The following TECR variants were observed in gnomAD, a reference collection of about 807,000 sequenced individuals.
The protein encoded by TECR is very-long-chain enoyl-CoA reductase.
In TECR, 19 loss-of-function variants were observed where a neutral mutation model predicts 50.6. The ratio of observed to expected loss-of-function variants is 0.38; its 90% CI spans 0.26 to 0.55. The LOEUF (loss-of-function observed/expected upper bound fraction) is 0.55, where lower values mean the gene tolerates loss of function less well. TECR is among the 20% of genes least tolerant of loss of function. The probability of loss-of-function intolerance (pLI) is 0.79; values close to 1 mark genes in which losing one functional copy is unlikely to be tolerated. For synonymous variants in TECR, 168 were observed against 163.5 expected (o/e 1.03, Z -0.21); for missense variants, 313 against 408.3 (o/e 0.77, Z 2.01).
rs1303942204 is a variant in TECR, at chr19:14,529,609, G to C, written c.-88G>C. On this transcript the variant is annotated 5_prime_UTR_variant, in exon 1 of 13. Coordinates refer to ENST00000215567, the MANE Select transcript of TECR (RefSeq NM_138501.6). ...GCAGAGCCGCGTTTAGTCTATCGCTGCGGTTGCGAGCGCTGTAGGGAGCCT... is the reference window on the plus strand; with the variant it reads ...GCAGAGCCGCGTTTAGTCTATCGCTCCGGTTGCGAGCGCTGTAGGGAGCCT... 4 of 1,597,256 alleles carry C rather than the reference G, an allele frequency of 2.5e-6. No homozygotes were observed. In the East Asian group the frequency reaches 8.9e-5, roughly 36 times the overall value.
At chr19:14,557,140 T>A (rs541441161) in intron 1 of TECR, among the ~76,000 whole-genome samples, 44 of 150,604 alleles carry the variant, frequency 2.9e-4, no homozygotes, top group African/African-American at 1.0e-3. Context: ...TTTATTTATT[T>A]ATTTATTTAT....
At chr19:14,529,361 G>A (rs1419840278), upstream of TECR, 3 of 502,118 alleles carry the variant, frequency 6.0e-6, no homozygotes, top group Non-Finnish European at 1.1e-5. Context: ...GGACGCGCGG[G>A]GCAGAGACCT....
chr19:14,529,527 C>T (rs554883325), upstream of TECR: 2 of 868,638 alleles, frequency 2.3e-6, no homozygotes, highest in East Asian at 2.6e-5. Flanking sequence ...CGAACGTGGG[C>T]GCCTCGTGCC....
At chr19:14,539,140 ATTTTTTTTTT>A (rs57801378) in intron 1 of TECR, among the ~76,000 whole-genome samples, 132 of 92,548 alleles carry the variant, frequency 1.4e-3, no homozygotes, top group East Asian at 3.9e-3. Flanking sequence ...CGCCCGGCTA[ATTTTTTTTTT>A]TTTTTTTTTT....
intron 1 of TECR, among the ~76,000 whole-genome samples, chr19:14,543,388 A>AATGAATATATATATAT (rs2073168369): frequency 2.7e-5 from 1 of 37,688 alleles, no homozygotes; most frequent in Non-Finnish European, 5.0e-5. Context: ...TGTTTCAGAG[A>AATGAATATATATATAT]ATATATATAT....
At chr19:14,564,339 C>A (rs776958669) in intron 7 of TECR, 52 bp downstream of exon 7, 8 of 1,407,764 alleles carry the variant, frequency 5.7e-6, no homozygotes, top group Admixed American at 2.0e-5. Context: ...TGCCCCACCC[C>A]GCCCCGCCCC....
intron 1 of TECR, among the ~76,000 whole-genome samples, chr19:14,555,130 C>T (rs893403920): frequency 1.3e-5 from 2 of 151,516 alleles, no homozygotes; most frequent in Non-Finnish European, 2.9e-5. Flanking sequence ...GCAGGGGTGC[C>T]GTAGTGTAAT....
chr19:14,541,275 C>T (rs2073089187), intron 1 of TECR, among the ~76,000 whole-genome samples: 1 of 152,204 alleles, frequency 6.6e-6, no homozygotes, highest in South Asian at 2.1e-4. Flanking sequence ...CCGTGCCTGG[C>T]TGGCAACTGG....
intron 1 of TECR, among the ~76,000 whole-genome samples, chr19:14,549,960 A>T (rs2073438731): frequency 1.3e-5 from 2 of 151,928 alleles, no homozygotes; most frequent in Admixed American, 1.3e-4. Context: ...AAAATAAAAA[A>T]AATAAACTAT....
rs760910000 is a variant in TECR, at chr19:14,565,922, G to A, written c.*51G>A. The A allele has an allele frequency of 5.5e-5, 85 of 1,546,080 alleles. No individual in the cohort carries two copies. The highest frequency in any genetic ancestry group is 7.3e-5 in the Non-Finnish European group (84 of 1,145,294). On this transcript the variant is annotated 3_prime_UTR_variant, in exon 13 of 13. Transcript: ENST00000215567. The stretch of plus-strand genomic sequence containing the variant: ...CCCTCAACCCGGTGGCATTCTGGGG[G>A]AGGAGTGGGGCCCACAGCTCTCCAG...
intron 1 of TECR, among the ~76,000 whole-genome samples, chr19:14,561,406 G>A (rs2073897433): frequency 6.6e-6 from 1 of 152,142 alleles, no homozygotes. Context: ...CATAGGGTGG[G>A]TCAGATCCCC....
chr19:14,565,439 G>T lies in TECR; in HGVS notation c.753+149G>T, dbSNP rs1006667685. On this transcript the variant is annotated intron_variant, in intron 11 of 12. Transcript: ENST00000215567. ...GTGGAGACCGCGGCCTCTCTGCTGT[G>T]GTGGCGGGGAGGCGTGTGCCGCTGG... The T allele has an allele frequency of 2.2e-6, 3 of 1,340,604 alleles. No individual in the cohort carries two copies. In the African/African-American group the frequency reaches 4.3e-5, roughly 19 times the overall value. The allele number at this position is 1,340,604 out of a possible 1,614,324, so 83.0% of individuals were successfully genotyped here.
intron 1 of TECR, among the ~76,000 whole-genome samples, chr19:14,549,209 GAC>G (rs2073405365): frequency 8.4e-6 from 1 of 118,384 alleles, no homozygotes; most frequent in Non-Finnish European, 1.8e-5. Context: ...CCTTTAATTG[GAC>G]TTTTTTTTTT....
intron 1 of TECR, among the ~76,000 whole-genome samples, chr19:14,557,113 T>TATTTA (rs2073753179): frequency 2.9e-5 from 2 of 69,700 alleles, no homozygotes; most frequent in African/African-American, 4.8e-5. Context: ...GTTGGTCTAA[T>TATTTA]CTTATTTATT....
At position 14,558,957 on chromosome 19, in the gene TECR, C is replaced by G. The variant is rs555665933; in HGVS notation, c.16-3568C>G. Among the ~76,000 whole-genome samples the G allele has an allele frequency of 1.8e-4, 28 of 152,336 alleles. No homozygotes were observed. In the South Asian group the frequency reaches 5.4e-3, roughly 29 times the overall value. On this transcript the variant is annotated intron_variant, in intron 1 of 12. Coordinates refer to ENST00000215567, the MANE Select transcript of TECR (RefSeq NM_138501.6). ...GGGCTTCCCCTGGGAGCCCCTGCCC[C>G]CTGTTGGCCTCAGGCCTGGGCAGGC... is the stretch of plus-strand genomic sequence containing the variant.
At chr19:14,553,149 G>C (rs897370742) in intron 1 of TECR, among the ~76,000 whole-genome samples, 11 of 152,116 alleles carry the variant, frequency 7.2e-5, no homozygotes, top group African/African-American at 2.4e-4. Context: ...AGGAGCTCGT[G>C]CGTCCGATGA....
chr19:14,538,368 G>C (rs966993401), intron 1 of TECR, among the ~76,000 whole-genome samples: 1 of 152,036 alleles, frequency 6.6e-6, no homozygotes, highest in Non-Finnish European at 1.5e-5. Context: ...GGGGGCCTGT[G>C]GGGGAGTGTG....
At chr19:14,536,522 G>A (rs1426523169) in intron 1 of TECR, 3 of 152,102 alleles carry the variant, frequency 2.0e-5, no homozygotes, top group Admixed American at 1.3e-4. Context: ...CTCCCACCTT[G>A]GCCTCCCAGA....
chr19:14,546,922 T>C (rs186874177), intron 1 of TECR, among the ~76,000 whole-genome samples: 3 of 152,302 alleles, frequency 2.0e-5, no homozygotes, highest in Admixed American at 6.5e-5. Context: ...ACTCCTGACC[T>C]CAAGTGATCT....
Sources: gnomAD v4.1 joint callset for allele counts (sites outside exome capture counted in the v4.1 genomes callset) on GRCh38, gnomAD v4.1.1 for gene constraint, MANE v1.5 for transcripts, NCBI Gene and HGNC (gene_info 2026-07-23, HGNC 2026-07-21) for gene names.